UVRAG: variants seen among roughly 807,000 people sequenced by gnomAD.
The protein encoded by UVRAG is UV radiation resistance associated.
A neutral mutation model predicts 78.0 loss-of-function variants in UVRAG; 19 were observed. That is an observed-to-expected ratio of 0.24 (90% CI 0.17 to 0.36). The LOEUF (loss-of-function observed/expected upper bound fraction) is 0.36, where lower values mean the gene tolerates loss of function less well. Ranked by LOEUF, UVRAG falls within the 10% of genes least tolerant of loss-of-function variation. The probability of loss-of-function intolerance (pLI) is 1.00; values close to 1 mark genes in which losing one functional copy is unlikely to be tolerated. For missense variants in UVRAG, 740 were observed against 853.8 expected (o/e 0.87, Z 1.66); for synonymous variants, 323 against 324.6 (o/e 1.00, Z 0.05).
At chr11:75,986,310 T>G (rs905307407) in intron 8 of UVRAG, among the ~76,000 whole-genome samples, 54 of 152,310 alleles carry the variant, frequency 3.5e-4, no homozygotes, top group Admixed American at 3.5e-3. Context: ...TTTATGATAC[T>G]ATTGTACATA....
At chr11:76,125,135 C>T (rs1952360614) in intron 14 of UVRAG, among the ~76,000 whole-genome samples, 1 of 152,172 alleles carries the variant, frequency 6.6e-6, no homozygotes, top group Non-Finnish European at 1.5e-5. Context: ...GTCTAGCTGA[C>T]GTTGGTTTTT....
At chr11:75,879,756 G>A (rs1946897027) in intron 3 of UVRAG, 123 bp from the exon 4 acceptor site, 2 of 1,288,990 alleles carry the variant, frequency 1.6e-6, no homozygotes, top group East Asian at 4.7e-5. Context: ...GCTTACTTAA[G>A]TTTGCAATTT....
chr11:76,039,673 G>A (rs1206625508), intron 12 of UVRAG, among the ~76,000 whole-genome samples: 1 of 152,206 alleles, frequency 6.6e-6, no homozygotes, highest in Admixed American at 6.5e-5. Flanking sequence ...TTGGGAGTTT[G>A]AGACCAGCCT....
intron 7 of UVRAG, among the ~76,000 whole-genome samples, chr11:75,974,808 T>G (rs1047027921): frequency 2.6e-5 from 4 of 152,204 alleles, no homozygotes; most frequent in Non-Finnish European, 5.9e-5. Context: ...TTGCAAAAAT[T>G]TTCTCCCATT....
intron 1 of UVRAG, among the ~76,000 whole-genome samples, chr11:75,820,973 T>G (rs1297357566): frequency 6.6e-6 from 1 of 152,218 alleles, no homozygotes; most frequent in Non-Finnish European, 1.5e-5. Flanking sequence ...AAATAATTTT[T>G]AAGTATACAA....
chr11:76,088,750 A>G (rs371677993), intron 13 of UVRAG, among the ~76,000 whole-genome samples: 5 of 152,098 alleles, frequency 3.3e-5, no homozygotes, highest in South Asian at 2.1e-4. Context: ...CCAGGATCCA[A>G]CCAGGCCAAC....
At chr11:75,973,124 G>A (rs1270306488) in intron 7 of UVRAG, among the ~76,000 whole-genome samples, 1 of 152,190 alleles carries the variant, frequency 6.6e-6, no homozygotes, top group Non-Finnish European at 1.5e-5. Context: ...CTCAAACTTA[G>A]GGGATAAGCA....
At chr11:76,083,695 A>G (rs67485448) in intron 13 of UVRAG, among the ~76,000 whole-genome samples, 23,804 of 152,206 alleles carry the variant, frequency 0.16, 2,450 homozygotes, top group Non-Finnish European at 0.24. Context: ...CAAGCCAAAA[A>G]ATTTTTTTTT....
At chr11:75,864,890 A>G (rs1302575952) in intron 3 of UVRAG, among the ~76,000 whole-genome samples, 1 of 152,204 alleles carries the variant, frequency 6.6e-6, no homozygotes, top group Non-Finnish European at 1.5e-5. Flanking sequence ...TAACTTTGAG[A>G]TACAGAATGT....
chr11:76,082,814 G>T (rs1951522330), intron 13 of UVRAG, among the ~76,000 whole-genome samples: 1 of 152,108 alleles, frequency 6.6e-6, no homozygotes, highest in African/African-American at 2.4e-5. Context: ...TGGATCACTT[G>T]AGCCCAGGAG....
At position 76,009,976 on chromosome 11, in the gene UVRAG, G is replaced by T. The variant is rs1380679175; in HGVS notation, c.1060+1109G>T. 4.1e-5 allele frequency among the ~76,000 whole-genome samples: 6 copies of T among 148,122 alleles called. No individual in the cohort carries two copies. The South Asian group carries it at 1.3e-3, about 31-fold the overall frequency. On this transcript the variant is annotated intron_variant, in intron 11 of 14. Coordinates refer to ENST00000356136, the MANE Select transcript of UVRAG (RefSeq NM_003369.4). ...TCTTTAATACTCACAAAAACAAAGG[G>T]ATCCTATAAGGAAAATGGTATTCAG...
At chr11:75,956,571 A>C (rs1948804712) in intron 6 of UVRAG, among the ~76,000 whole-genome samples, 1 of 151,996 alleles carries the variant, frequency 6.6e-6, no homozygotes, top group South Asian at 2.1e-4. Flanking sequence ...ATTTTAGTAG[A>C]GACGGGGTTT....
intron 14 of UVRAG, among the ~76,000 whole-genome samples, chr11:76,136,699 T>C (rs1168802229): frequency 6.6e-6 from 1 of 152,070 alleles, no homozygotes; most frequent in Non-Finnish European, 1.5e-5. Flanking sequence ...GGTCTCCCTA[T>C]GTGGCCCAGG....
At chr11:76,037,313 A>C (rs577758901) in intron 12 of UVRAG, among the ~76,000 whole-genome samples, 1 of 152,324 alleles carries the variant, frequency 6.6e-6, no homozygotes, top group East Asian at 1.9e-4. Context: ...CCATTAACAG[A>C]TTAAGAAAAA....
At chr11:76,135,652 A>G (rs1159175827) in intron 14 of UVRAG, among the ~76,000 whole-genome samples, 1 of 152,174 alleles carries the variant, frequency 6.6e-6, no homozygotes, top group East Asian at 1.9e-4. Flanking sequence ...GCAGCATTAA[A>G]CCACAGATGT....
At chr11:75,916,983 G>A (rs1836357634) in intron 6 of UVRAG, among the ~76,000 whole-genome samples, 1 of 152,202 alleles carries the variant, frequency 6.6e-6, no homozygotes, top group Non-Finnish European at 1.5e-5. Context: ...ATCTATAGGA[G>A]CAATTGGGAA....
At chr11:75,848,030 TAA>T (rs1190960958) in intron 1 of UVRAG, among the ~76,000 whole-genome samples, 28 of 130,430 alleles carry the variant, frequency 2.1e-4, no homozygotes, top group Admixed American at 3.1e-4. Flanking sequence ...ACTCTGTCTC[TAA>T]AAAAAAAAAA....
intron 9 of UVRAG, among the ~76,000 whole-genome samples, chr11:76,004,556 C>A (rs1326399626): frequency 6.6e-6 from 1 of 151,670 alleles, no homozygotes; most frequent in African/African-American, 2.4e-5. Context: ...TCTTAAAATA[C>A]CATTTTTACC....
At chr11:75,925,761 A>G (rs561762674) in intron 6 of UVRAG, among the ~76,000 whole-genome samples, 1 of 152,342 alleles carries the variant, frequency 6.6e-6, no homozygotes, top group African/African-American at 2.4e-5. Flanking sequence ...GTAAAATAGC[A>G]TTTCAGTTAA....
Sources: gnomAD v4.1 joint callset for allele counts (sites outside exome capture counted in the v4.1 genomes callset) on GRCh38, gnomAD v4.1.1 for gene constraint, MANE v1.5 for transcripts, NCBI Gene and HGNC (gene_info 2026-07-23, HGNC 2026-07-21) for gene names.